RANBP3: variants seen among roughly 807,000 people sequenced by gnomAD.
RANBP3 encodes ran-binding protein 3.
In RANBP3, 14 loss-of-function variants were observed where a neutral mutation model predicts 77.3. The ratio of observed to expected loss-of-function variants is 0.18; its 90% CI spans 0.12 to 0.28. RANBP3 has a LOEUF of 0.28. RANBP3 is among the 10% of genes least tolerant of loss of function. RANBP3 has a pLI of 1.00. For synonymous variants in RANBP3, 315 were observed against 312.4 expected (o/e 1.01, Z -0.09); for missense variants, 586 against 752.3 (o/e 0.78, Z 2.59).
chr19:5,937,231 G>A (rs2058079109), intron 5 of RANBP3, among the ~76,000 whole-genome samples: 1 of 152,082 alleles, frequency 6.6e-6, no homozygotes, highest in Middle Eastern at 3.2e-3. Context: ...GCACAAAGGG[G>A]AAAGTAGCTT....
intron 14 of RANBP3, among the ~76,000 whole-genome samples, chr19:5,919,495 T>A (rs763997761): frequency 6.6e-6 from 1 of 152,174 alleles, no homozygotes; most frequent in Non-Finnish European, 1.5e-5. Flanking sequence ...GCCACGGGGC[T>A]ACAGGCTGAT....
chr19:5,921,380 A>C lies in RANBP3; in HGVS notation c.1210-59T>G. 1 of 1,598,954 alleles carries C rather than the reference A, an allele frequency of 6.3e-7. No homozygotes were observed. The highest frequency in any genetic ancestry group is 8.5e-7 in the Non-Finnish European group (1 of 1,171,570). On this transcript the variant is annotated intron_variant, in intron 13 of 16. Coordinates refer to ENST00000340578, the MANE Select transcript of RANBP3 (RefSeq NM_007322.3). The surrounding 1 kb of genome is among the most constrained non-coding windows in gnomAD (Gnocchi z 5.3). ...CCAGCTGGTGTCCTGCTGCAGCCAC[A>C]CCCTGAGAGTCGCCCTTTAGCCTGT... is the stretch of plus-strand genomic sequence containing the variant.
Position 5,932,503 on chromosome 19 carries a change from G to T in RANBP3, c.514C>A (p.Leu172Ile), listed in dbSNP as rs2058006735. ...GGAGCTTGTAACACTGCCGGGCGAAGCACGCTCCGCTGCTGCTCCTTGGGC... is the reference window on the plus strand; with the variant it reads ...GGAGCTTGTAACACTGCCGGGCGAATCACGCTCCGCTGCTGCTCCTTGGGC... ...QKPKEQQRSV[L>I]RPAVLQAPQP... The change falls in exon 7 of 17, where the codon CTT (leucine) becomes ATT (isoleucine). Residue 172 changes from leucine (L) to isoleucine (I), a missense_variant. Physicochemically the swap from Leu to Ile is conservative, Grantham distance 5 (BLOSUM62 2). This residue lies in a region of RANBP3 where 232 missense variants were observed against 271.7 expected (regional missense o/e 0.85). Coordinates refer to ENST00000340578, the MANE Select transcript of RANBP3 (RefSeq NM_007322.3). 6.2e-7 allele frequency: 1 copy of T among 1,613,894 alleles called. No homozygotes were observed. The highest frequency in any genetic ancestry group is 2.2e-5 in the East Asian group (1 of 44,878).
intron 2 of RANBP3, 115 bp from the exon 3 acceptor site, chr19:5,951,711 C>G: frequency 1.0e-6 from 1 of 954,060 alleles, no homozygotes; most frequent in South Asian, 1.5e-5. Context: ...AGCTCCTGCG[C>G]CTGGGAGGAA....
chr19:5,962,397 T>C (rs1599787569), intron 1 of RANBP3, among the ~76,000 whole-genome samples: 1 of 152,186 alleles, frequency 6.6e-6, no homozygotes. Flanking sequence ...TACCCCTAGA[T>C]GTAAGTTCTA....
At position 5,917,534 on chromosome 19, in the gene RANBP3, CGGTGGGGTGGGGGCG is replaced by C. The variant is rs2057754567; in HGVS notation, c.*61_*75del. 2 of 1,346,804 alleles carry C rather than the reference CGGTGGGGTGGGGGCG, an allele frequency of 1.5e-6. No individual in the cohort carries two copies. 83.4% of individuals were successfully genotyped at this position (1,346,804 alleles called of 1,614,324 possible). A position where few individuals can be genotyped will look rare whatever the true frequency, so the allele number is the denominator to read the frequency against. ...TCCCGGCCCCGCACCTGGACGCTGC[CGGTGGGGTGGGGGCG>C]GGTGGGCGGGTGGATAGACGGACAA... On this transcript the variant is annotated 3_prime_UTR_variant, in exon 17 of 17. Coordinates refer to ENST00000340578, the MANE Select transcript of RANBP3 (RefSeq NM_007322.3).
Position 5,917,523 on chromosome 19 carries a change from C to G in RANBP3, c.*87G>C, listed in dbSNP as rs1277935545. On this transcript the variant is annotated 3_prime_UTR_variant, in exon 17 of 17. Transcript: ENST00000340578. ...GGGTGTGTGGTTCCCGGCCCCGCAC[C>G]TGGACGCTGCCGGTGGGGTGGGGGC... 4 of 1,441,714 alleles carry G rather than the reference C, an allele frequency of 2.8e-6. No homozygotes were observed. The highest frequency in any genetic ancestry group is 1.3e-5 in the South Asian group (1 of 74,238). The allele number at this position is 1,441,714 out of a possible 1,614,324, so 89.3% of individuals were successfully genotyped here.
intron 14 of RANBP3, among the ~76,000 whole-genome samples, chr19:5,920,560 T>C (rs1216157543): frequency 6.6e-6 from 1 of 152,196 alleles, no homozygotes; most frequent in Non-Finnish European, 1.5e-5. Context: ...TATTTTATTT[T>C]TTTTTGAGAT....
chr19:5,919,685 G>A (rs569444159), intron 14 of RANBP3, among the ~76,000 whole-genome samples: 1 of 152,188 alleles, frequency 6.6e-6, no homozygotes, highest in East Asian at 1.9e-4. Flanking sequence ...GATCACCTGA[G>A]GTCAGGAGTT....
At chr19:5,939,854 G>A (rs1433132198) in intron 5 of RANBP3, among the ~76,000 whole-genome samples, 1 of 152,242 alleles carries the variant, frequency 6.6e-6, no homozygotes, top group African/African-American at 2.4e-5. Context: ...GCACCCCCTT[G>A]TCCCTGCACC....
rs866248300 is a variant in RANBP3 at position 5,918,633 on chromosome 19, G to A, written c.1336C>T (p.Arg446Trp). The A allele has an allele frequency of 1.2e-6, 2 of 1,613,536 alleles. No individual in the cohort carries two copies. The highest frequency in any genetic ancestry group is 1.7e-6 in the Non-Finnish European group (2 of 1,179,792). The change falls in exon 15 of 17, where the codon CGG (arginine) becomes TGG (tryptophan). Residue 446 changes from arginine to tryptophan, a missense_variant. Physicochemically the swap from Arg to Trp is moderately radical, Grantham distance 101 (BLOSUM62 -3). Coordinates refer to ENST00000340578, the MANE Select transcript of RANBP3 (RefSeq NM_007322.3). ...ATCAGTCGCAGGCTCCCCTGGGTCCGCATCACTACAACCAACAAGGCCACT... is the reference window on the plus strand; with the variant it reads ...ATCAGTCGCAGGCTCCCCTGGGTCCACATCACTACAACCAACAAGGCCACT... ...DGTLQSRLVM[R>W]TQGSLRLILN...
chr19:5,961,732 TCAAAACAAAACAAAA>T (rs3068973), intron 1 of RANBP3, among the ~76,000 whole-genome samples: 35 of 149,240 alleles, frequency 2.3e-4, no homozygotes, highest in Non-Finnish European at 4.6e-4. Context: ...AAACTCTGTC[TCAAAACAAAACAAAA>T]CAAAACAAAA....
At chr19:5,935,567 A>G in intron 5 of RANBP3, 1 of 339,984 alleles carries the variant, frequency 2.9e-6, no homozygotes, top group South Asian at 2.2e-5. Context: ...TCACAGACTG[A>G]CTACTGCCCT....
intron 3 of RANBP3, among the ~76,000 whole-genome samples, chr19:5,944,590 C>T (rs2058180032): frequency 6.6e-6 from 1 of 152,262 alleles, no homozygotes; most frequent in Non-Finnish European, 1.5e-5. Context: ...GAAACAACAC[C>T]TGACACAGCC....
intron 3 of RANBP3, among the ~76,000 whole-genome samples, chr19:5,950,330 T>C (rs1257549031): frequency 1.3e-5 from 2 of 152,044 alleles, no homozygotes; most frequent in Non-Finnish European, 2.9e-5. Flanking sequence ...TGCCGTTACC[T>C]CCCCCACACC....
intron 1 of RANBP3, among the ~76,000 whole-genome samples, chr19:5,962,925 A>C (rs561648976): frequency 2.0e-5 from 3 of 152,300 alleles, no homozygotes; most frequent in African/African-American, 7.2e-5. Context: ...GTGAGGAAGC[A>C]GCGTGTGAAC....
chr19:5,943,894 G>C (rs1169352671), intron 3 of RANBP3, among the ~76,000 whole-genome samples: 1 of 152,198 alleles, frequency 6.6e-6, no homozygotes, highest in East Asian at 1.9e-4. Context: ...CCAGGCCCTA[G>C]AGTCAGTACC....
chr19:5,967,658 C>CG (rs1568481587), intron 1 of RANBP3, among the ~76,000 whole-genome samples: 2 of 152,070 alleles, frequency 1.3e-5, no homozygotes, highest in Admixed American at 6.6e-5. Flanking sequence ...CCGTAAGCCC[C>CG]GGGGGGCAGA....
chr19:5,927,244 C>T (rs2057923942), intron 9 of RANBP3, among the ~76,000 whole-genome samples: 1 of 152,172 alleles, frequency 6.6e-6, no homozygotes, highest in African/African-American at 2.4e-5. Flanking sequence ...GCCACTGTTT[C>T]CAACCACTGC....
Sources: gnomAD v4.1 joint callset for allele counts (sites outside exome capture counted in the v4.1 genomes callset) on GRCh38, gnomAD v4.1.1 for gene constraint, gnomAD v4.1.1 regional missense constraint, Gnocchi (gnomAD v3.1) non-coding constraint, MANE v1.5 for transcripts, NCBI Gene and HGNC (gene_info 2026-07-23, HGNC 2026-07-21) for gene names.